Variants in TMEM45A observed in about 807,000 individuals in gnomAD.
TMEM45A encodes the protein transmembrane protein 45A, also known as DNA polymerase-transactivated protein 4.
In TMEM45A, 25 loss-of-function variants were observed where a neutral mutation model predicts 32.0. The ratio of observed to expected loss-of-function variants is 0.78; its 90% confidence interval spans 0.57 to 1.09. The LOEUF is 1.09. Among genes scored for constraint, TMEM45A ranks in the 50% least tolerant of loss-of-function variants. TMEM45A has a pLI of 0.00. For synonymous variants in TMEM45A, 122 were observed against 114.8 expected, an observed-to-expected ratio of 1.06 and a Z score of -0.40; for missense variants, 302 against 325.0, an observed-to-expected ratio of 0.93 and a Z score of 0.54.
chr3:100,509,162 A>T (rs1708119491), intron 1 of TMEM45A, among the ~76,000 whole-genome samples: 1 of 152,230 alleles, frequency 6.6e-6, no homozygotes, highest in South Asian at 2.1e-4. Flanking sequence ...CATACGAATG[A>T]CTAACAGGCA....
chr3:100,536,960 C>A (rs948705294), intron 1 of TMEM45A, among the ~76,000 whole-genome samples: 1 of 152,158 alleles, frequency 6.6e-6, no homozygotes, highest in Non-Finnish European at 1.5e-5. Context: ...TTGCTGTTGT[C>A]GCCCAGGCCG....
intron 1 of TMEM45A, among the ~76,000 whole-genome samples, chr3:100,516,935 T>C (rs1191799890): frequency 6.6e-6 from 1 of 152,038 alleles, no homozygotes; most frequent in Non-Finnish European, 1.5e-5. Flanking sequence ...AGATGGGGGC[T>C]ATCTTTGGAA....
chr3:100,513,653 G>A lies in TMEM45A; in HGVS notation c.-4+20725G>A, dbSNP rs531670217. On this transcript the variant is annotated intron_variant, in intron 1 of 5. Coordinates refer to ENST00000323523, the MANE Select transcript of TMEM45A (RefSeq NM_018004.3). ...CAATTAGGCAGGAGAAGGAAATAAA[G>A]GGTATTCAATTAGGAAAAGAGGAAG... is the stretch of plus-strand genomic sequence containing the variant. Among the ~76,000 whole-genome samples the A allele has an allele frequency of 2.7e-5, 4 of 150,434 alleles. No individual in the cohort carries two copies. The South Asian group carries it at 8.3e-4, about 31-fold the overall frequency.
chr3:100,562,967 T>G lies in TMEM45A; in HGVS notation c.588+4378T>G, dbSNP rs191627387. On this transcript the variant is annotated intron_variant, in intron 4 of 5. Transcript: ENST00000323523. ...TTTTGCTTATTTTGAACTCAACTGT[T>G]GTATTAGTTTCCTAGGGCTGTAGTA... is the stretch of plus-strand genomic sequence containing the variant. 7.9e-5 allele frequency among the ~76,000 whole-genome samples: 12 copies of G among 152,318 alleles called. No individual in the cohort carries two copies. The East Asian group carries it at 2.3e-3, about 29-fold the overall frequency.
intron 1 of TMEM45A, among the ~76,000 whole-genome samples, chr3:100,538,737 A>G (rs1225556641): frequency 6.6e-6 from 1 of 152,202 alleles, no homozygotes; most frequent in Non-Finnish European, 1.5e-5. Flanking sequence ...TGACAAGATT[A>G]ATATATAAAA....
chr3:100,525,893 C>T (rs367583603), intron 1 of TMEM45A, among the ~76,000 whole-genome samples: 125 of 152,312 alleles, frequency 8.2e-4, no homozygotes, highest in African/African-American at 2.8e-3. Context: ...CTTCTCTCTG[C>T]CTCTGAAGCG....
intron 1 of TMEM45A, among the ~76,000 whole-genome samples, chr3:100,530,805 G>C (rs1431858730): frequency 6.6e-6 from 1 of 152,126 alleles, no homozygotes; most frequent in African/African-American, 2.4e-5. Context: ...AGTCTCTTTT[G>C]ATCTGTGGAT....
intron 1 of TMEM45A, among the ~76,000 whole-genome samples, chr3:100,513,623 C>T (rs1178828558): frequency 2.7e-5 from 4 of 150,544 alleles, no homozygotes; most frequent in Non-Finnish European, 5.9e-5. Context: ...AAGTTCTGGC[C>T]AGGGCAATTA....
intron 5 of TMEM45A, 70 bp from the exon 6 acceptor site, chr3:100,576,855 A>T (rs1172626510): frequency 7.2e-6 from 8 of 1,117,428 alleles, no homozygotes; most frequent in Non-Finnish European, 1.1e-5. Context: ...TTGTGGTATA[A>T]TGGGTGCATA....
chr3:100,515,289 T>C (rs1258573645), intron 1 of TMEM45A, among the ~76,000 whole-genome samples: 1 of 151,950 alleles, frequency 6.6e-6, no homozygotes, highest in African/African-American at 2.4e-5. Context: ...CATGGAATAC[T>C]ATGCAGCCAT....
chr3:100,507,611 G>C (rs1367251755), intron 1 of TMEM45A, among the ~76,000 whole-genome samples: 1 of 148,962 alleles, frequency 6.7e-6, no homozygotes, highest in Non-Finnish European at 1.5e-5. Flanking sequence ...AATGGCTATT[G>C]TACCATGGAT....
chr3:100,522,812 A>G (rs903257271), intron 1 of TMEM45A, among the ~76,000 whole-genome samples: 4 of 152,184 alleles, frequency 2.6e-5, no homozygotes, highest in Admixed American at 6.5e-5. Flanking sequence ...CATAGACCAC[A>G]ATCTCAAGGT....
At position 100,568,981 on chromosome 3, in the gene TMEM45A, T is replaced by G; in HGVS notation, c.734+14T>G. ...TTTCATTACCTGGTAAGTTAGCGAT[T>G]TCTGTTAATGGAAGTTCTGTTCCTT... On this transcript the variant is annotated intron_variant, in intron 5 of 5. Transcript: ENST00000323523. The G allele has an allele frequency of 6.2e-7, 1 of 1,606,422 alleles. No individual in the cohort carries two copies. Among genetic ancestry groups the G allele is most frequent in the Non-Finnish European group, 8.5e-7 (1 of 1,173,940 alleles).
At chr3:100,576,170 G>T (rs374196019) in intron 5 of TMEM45A, among the ~76,000 whole-genome samples, 1 of 152,098 alleles carries the variant, frequency 6.6e-6, no homozygotes, top group Non-Finnish European at 1.5e-5. Flanking sequence ...AAAAAAATTG[G>T]CTGGGCACAG....
In TMEM45A at chr3:100,568,815, A is replaced by C. The variant is rs562834981; in HGVS notation, c.589-7A>C. The C allele has an allele frequency of 6.3e-6, 10 of 1,591,578 alleles. No homozygotes were observed. Among genetic ancestry groups the C allele is most frequent in the Non-Finnish European group, 8.6e-6 (10 of 1,165,498 alleles). On this transcript the variant is annotated splice_polypyrimidine_tract_variant and splice_region_variant and intron_variant, in intron 4 of 5. Coordinates refer to ENST00000323523, the MANE Select transcript of TMEM45A (RefSeq NM_018004.3). ...TTTTAATATATGCTTTTTGTTCTAAATTACAGATTGGATTTGTCCTGTATC... is the reference window on the plus strand; with the variant it reads ...TTTTAATATATGCTTTTTGTTCTAACTTACAGATTGGATTTGTCCTGTATC...
At chr3:100,555,711 A>G (rs1172769545) in intron 2 of TMEM45A, among the ~76,000 whole-genome samples, 1 of 152,198 alleles carries the variant, frequency 6.6e-6, no homozygotes, top group African/African-American at 2.4e-5. Flanking sequence ...AATCTTCCAT[A>G]TGAAGATTCA....
At chr3:100,518,718 T>G (rs1056378890) in intron 1 of TMEM45A, among the ~76,000 whole-genome samples, 1 of 152,104 alleles carries the variant, frequency 6.6e-6, no homozygotes, top group African/African-American at 2.4e-5. Context: ...AGGTGAGGGG[T>G]GCAGACTGGA....
chr3:100,563,137 C>T (rs1290268158), intron 4 of TMEM45A, among the ~76,000 whole-genome samples: 1 of 152,214 alleles, frequency 6.6e-6, no homozygotes, highest in East Asian at 1.9e-4. Flanking sequence ...GATCTCCTAG[C>T]CAACTGCCAG....
At chr3:100,539,462 T>C (rs374818833) in intron 1 of TMEM45A, among the ~76,000 whole-genome samples, 10,078 of 104,696 alleles carry the variant, frequency 0.096, 862 homozygotes, top group East Asian at 0.16. Flanking sequence ...TATGTATATG[T>C]ATATGTATAT....
Sources: allele counts gnomAD v4.1 joint callset (sites outside exome capture counted in the v4.1 genomes callset), GRCh38; gene constraint gnomAD v4.1.1; transcripts MANE v1.5; gene names NCBI Gene and HGNC (gene_info 2026-07-23, HGNC 2026-07-21).